Variants in FCRL4 observed in about 807,000 individuals in gnomAD.
The protein encoded by FCRL4 is Fc receptor-like protein 4.
Under a neutral mutation model 64.1 loss-of-function variants are expected in FCRL4, and 43 were observed. The observed-to-expected ratio is 0.67, with a 90% CI of 0.53 to 0.87. The LOEUF (loss-of-function observed/expected upper bound fraction) is 0.87, where lower values mean the gene tolerates loss of function less well. Among genes scored for constraint, FCRL4 ranks in the 40% least tolerant of loss-of-function variants. The pLI, the probability that FCRL4 is intolerant of heterozygous loss-of-function variation, is 0.00. For missense variants in FCRL4, 656 were observed against 613.5 expected, an observed-to-expected ratio of 1.07 and a Z score of -0.73; for synonymous variants, 253 against 239.8, an observed-to-expected ratio of 1.05 and a Z score of -0.51.
rs1012046919 is a variant in FCRL4, at chr1:157,575,377, T to A, written c.*147A>T. 4.4e-5 allele frequency: 29 copies of A among 651,928 alleles called. 1 individual carries two copies. The highest frequency in any genetic ancestry group is 7.4e-5 in the Non-Finnish European group (27 of 363,176). 40.4% of individuals were successfully genotyped at this position (651,928 alleles called of 1,614,324 possible). ...AACATCAGAGTAGACGAATGAGTATTCCTGGGAGTGAATGCATATGCATGA... is the reference window on the plus strand; with the variant it reads ...AACATCAGAGTAGACGAATGAGTATACCTGGGAGTGAATGCATATGCATGA... On this transcript the variant is annotated 3_prime_UTR_variant, in exon 12 of 12. Coordinates refer to ENST00000271532, the MANE Select transcript of FCRL4 (RefSeq NM_031282.3).
At chr1:157,585,168 A>G (rs1273842924) in intron 6 of FCRL4, among the ~76,000 whole-genome samples, 1 of 152,138 alleles carries the variant, frequency 6.6e-6, no homozygotes, top group African/African-American at 2.4e-5. Flanking sequence ...TATTGTATAG[A>G]AAAGCAGGGA....
Position 157,586,321 on chromosome 1 carries a change from T to G in FCRL4, c.982A>C (p.Met328Leu). ...GTTTTCCTCCCCAGACTCTCCTGCATGTCCTCTCGGTGCCAGGAGAATGTG... is the reference window on the plus strand; with the variant it reads ...GTTTTCCTCCCCAGACTCTCCTGCAGGTCCTCTCGGTGCCAGGAGAATGTG... ...DTTFSWHRED[M>L]QESLGRKTQR... The change falls in exon 6 of 12, where the codon ATG (methionine) becomes CTG (leucine). Residue 328 changes from methionine (M) to leucine (L), a missense_variant. By Grantham distance (15) the Met-to-Leu change is conservative. Transcript: ENST00000271532. 1 of 1,613,944 alleles carries G rather than the reference T, an allele frequency of 6.2e-7. No individual in the cohort carries two copies. The highest frequency in any genetic ancestry group is 8.5e-7 in the Non-Finnish European group (1 of 1,179,986).
intron 6 of FCRL4, among the ~76,000 whole-genome samples, chr1:157,583,572 C>T (rs1291821870): frequency 1.3e-5 from 2 of 152,140 alleles, no homozygotes; most frequent in African/African-American, 4.8e-5. Flanking sequence ...TCTCTCTCTG[C>T]CATGTAAGGA....
chr1:157,575,753 T>C (rs763696250), intron 10 of FCRL4, 23 bp from the exon 11 acceptor site: 1 of 1,612,628 alleles, frequency 6.2e-7, no homozygotes, highest in Non-Finnish European at 8.5e-7. Context: ...AGAGAATCAC[T>C]GGACTATGGG....
intron 7 of FCRL4, 140 bp downstream of exon 7, chr1:157,581,391 T>G: frequency 1.5e-6 from 1 of 651,430 alleles, no homozygotes; most frequent in Non-Finnish European, 2.7e-6. Flanking sequence ...GGGACGGACG[T>G]GAGTGTGTGT....
rs754166780 is a variant in FCRL4, at chr1:157,589,226, AG to A, written c.284del (p.Pro95LeufsTer11). 1.9e-6 allele frequency: 3 copies of A among 1,613,816 alleles called. No homozygotes were observed. In the East Asian group the frequency reaches 6.7e-5, roughly 36 times the overall value. On this transcript the variant is annotated frameshift_variant, in exon 3 of 12. Coordinates refer to ENST00000271532, the MANE Select transcript of FCRL4 (RefSeq NM_031282.3). LOFTEE classifies it high-confidence loss of function. ...CQARGSPRSN[P>X]VRLLFSSDSL... ...CACCTGAAGAAAAGAGCAAGCGCAC[AG>A]GGTTACTTCGTGGGGAGCCCCGGGC...
At chr1:157,594,943 G>A (rs1442459994) in intron 2 of FCRL4, among the ~76,000 whole-genome samples, 1 of 152,192 alleles carries the variant, frequency 6.6e-6, no homozygotes. Context: ...CTCTTGCCCA[G>A]GCTGGACTGC....
chr1:157,580,943 G>A (rs1376511308), intron 7 of FCRL4, among the ~76,000 whole-genome samples: 1 of 152,204 alleles, frequency 6.6e-6, no homozygotes, highest in Non-Finnish European at 1.5e-5. Flanking sequence ...AGAAGTCTTT[G>A]GAAGCACGCA....
rs1354525034 is a variant in FCRL4 at position 157,586,189 on chromosome 1, C to T, written c.1114G>A (p.Val372Met). ...DNSYGPVQSM[V>M]LNVTVRETPG... ...TCACCTCTCACAGTGACATTCAGCA[C>T]CATGCTCTGGACAGGGCCGTAGCTG... The change falls in exon 6 of 12, where the codon GTG becomes ATG. Residue 372 changes from valine to methionine, a missense_variant. By Grantham distance (21) the Val-to-Met change is conservative (BLOSUM62 1). Coordinates refer to ENST00000271532, the MANE Select transcript of FCRL4 (RefSeq NM_031282.3). 1 of 1,611,654 alleles carries T rather than the reference C, an allele frequency of 6.2e-7. No individual in the cohort carries two copies. Among genetic ancestry groups the T allele is most frequent in the Non-Finnish European group, 8.5e-7 (1 of 1,178,070 alleles).
intron 3 of FCRL4, 123 bp from the exon 4 acceptor site, chr1:157,588,242 G>A: frequency 8.3e-7 from 1 of 1,199,360 alleles, no homozygotes; most frequent in Admixed American, 2.9e-5. Context: ...CCTGATCCAA[G>A]CTCACGAAAC....
chr1:157,590,666 T>C (rs1033765529), intron 2 of FCRL4, among the ~76,000 whole-genome samples: 1 of 151,996 alleles, frequency 6.6e-6, no homozygotes, highest in Non-Finnish European at 1.5e-5. Context: ...TACAGGCAAG[T>C]GCCACCACAC....
At chr1:157,591,665 A>G (rs1411178882) in intron 2 of FCRL4, among the ~76,000 whole-genome samples, 1 of 152,188 alleles carries the variant, frequency 6.6e-6, no homozygotes, top group Non-Finnish European at 1.5e-5. Context: ...TGTGACAGTA[A>G]AATACTAACC....
chr1:157,585,395 C>CTTTCTTTCTTTCTTTCT lies in FCRL4; in HGVS notation c.1135+772_1135+773insAGAAAGAAAGAAAGAAA, dbSNP rs1558155168. ...CTTTCTTTCTTTCTTTCTTTCTTTC[C>CTTTCTTTCTTTCTTTCT]TTCTTTCTTTCTTTCTTTCTTTCTT... On this transcript the variant is annotated intron_variant, in intron 6 of 11. Transcript: ENST00000271532. 3.0e-4 allele frequency among the ~76,000 whole-genome samples: 24 copies of CTTTCTTTCTTTCTTTCT among 80,902 alleles called. 2 individuals carry two copies. Among genetic ancestry groups the CTTTCTTTCTTTCTTTCT allele is most frequent in the Admixed American group, 1.8e-3 (13 of 7,220 alleles). 53.1% of individuals were successfully genotyped at this position (80,902 alleles called of 152,430 possible).
At chr1:157,578,680 T>C in intron 9 of FCRL4, 90 bp downstream of exon 9, 1 of 1,441,884 alleles carries the variant, frequency 6.9e-7, no homozygotes, top group Non-Finnish European at 9.7e-7. Flanking sequence ...TGGGACACTT[T>C]AGGGAGTCCA....
chr1:157,593,074 T>C (rs1037105745), intron 2 of FCRL4, among the ~76,000 whole-genome samples: 2 of 152,070 alleles, frequency 1.3e-5, no homozygotes, highest in African/African-American at 2.4e-5. Flanking sequence ...CATCACACAC[T>C]GGGACCTGTC....
At position 157,586,272 on chromosome 1, in the gene FCRL4, A is replaced by G; in HGVS notation, c.1031T>C (p.Leu344Pro). Residue 344 changes from leucine (L) to proline (P), a missense_variant, in exon 6 of 12, where the codon CTG becomes CCG. Leu to Pro is a moderately conservative substitution (Grantham distance 98). Coordinates refer to ENST00000271532, the MANE Select transcript of FCRL4 (RefSeq NM_031282.3). ...RKTQRSLRAE[L>P]ELPAIRQSHA... is the part of the protein sequence containing the mutation. ...GCTCTGTCTGATGGCAGGGAGCTCC[A>G]GCTCTGCTCTCAGGGAACGCTGAGT... is the stretch of plus-strand genomic sequence containing the variant. The G allele has an allele frequency of 6.2e-7, 1 of 1,614,008 alleles. No individual in the cohort carries two copies. Among genetic ancestry groups the G allele is most frequent in the Non-Finnish European group, 8.5e-7 (1 of 1,179,984 alleles).
At chr1:157,584,835 G>A (rs1201044385) in intron 6 of FCRL4, among the ~76,000 whole-genome samples, 1 of 152,170 alleles carries the variant, frequency 6.6e-6, no homozygotes, top group Admixed American at 6.5e-5. Flanking sequence ...TATAAACAGT[G>A]CAGCTGTTTT....
chr1:157,595,114 G>C, intron 2 of FCRL4, among the ~76,000 whole-genome samples: 1 of 152,110 alleles, frequency 6.6e-6, no homozygotes, highest in East Asian at 1.9e-4. Context: ...TGTCCAGGCT[G>C]GTCTTGAGCT....
intron 3 of FCRL4, among the ~76,000 whole-genome samples, chr1:157,588,488 A>G (rs368374594): frequency 2.0e-5 from 3 of 152,202 alleles, no homozygotes; most frequent in Non-Finnish European, 4.4e-5. Context: ...AGAGAACTAC[A>G]TGAGGATCTC....
Sources: allele counts gnomAD v4.1 joint callset (sites outside exome capture counted in the v4.1 genomes callset), GRCh38; gene constraint gnomAD v4.1.1; transcripts MANE v1.5; gene names NCBI Gene and HGNC (gene_info 2026-07-23, HGNC 2026-07-21).